FAR1: variants seen among roughly 807,000 people sequenced by gnomAD.
FAR1 encodes the protein male sterility domain-containing protein 2.
FAR1 carries 22 observed loss-of-function variants against 61.1 expected under a neutral mutation model. That is an observed-to-expected ratio of 0.36 (90% CI 0.26 to 0.51). The LOEUF (loss-of-function observed/expected upper bound fraction) is 0.51. Among genes scored for constraint, FAR1 ranks in the 20% least tolerant of loss-of-function variants. The pLI, the probability that FAR1 is intolerant of heterozygous loss-of-function variation, is 0.95. For missense variants in FAR1, 359 were observed against 626.9 expected (o/e 0.57, Z 4.56); for synonymous variants, 206 against 209.7 (o/e 0.98, Z 0.15).
intron 1 of FAR1, among the ~76,000 whole-genome samples, chr11:13,676,857 A>G (rs776307196): frequency 4.6e-5 from 7 of 152,198 alleles, no homozygotes; most frequent in Admixed American, 1.3e-4. Context: ...TACCTAATCT[A>G]CTAGTAGGAA....
At chr11:13,675,133 A>G (rs899193530) in intron 1 of FAR1, among the ~76,000 whole-genome samples, 21 of 151,818 alleles carry the variant, frequency 1.4e-4, no homozygotes, top group African/African-American at 4.4e-4. Context: ...GTGAGGTGCA[A>G]ATTTGTTCAT....
intron 3 of FAR1, among the ~76,000 whole-genome samples, chr11:13,703,512 A>T (rs1848398887): frequency 6.6e-6 from 1 of 152,246 alleles, no homozygotes; most frequent in South Asian, 2.1e-4. Flanking sequence ...GAGAGAAACC[A>T]ACATAAATTG....
chr11:13,709,023 C>T (rs970257535), intron 4 of FAR1, among the ~76,000 whole-genome samples: 12 of 152,152 alleles, frequency 7.9e-5, no homozygotes, highest in African/African-American at 2.9e-4. Flanking sequence ...ATCTTTTTTA[C>T]TTTTACAATT....
At chr11:13,716,371 A>G (rs1309124026) in intron 9 of FAR1, among the ~76,000 whole-genome samples, 1 of 152,214 alleles carries the variant, frequency 6.6e-6, no homozygotes, top group Admixed American at 6.5e-5. Flanking sequence ...AGCAACAGTT[A>G]TTTTATTATT....
chr11:13,727,815 T>C (rs1848682841), intron 11 of FAR1, 132 bp downstream of exon 11: 5 of 797,528 alleles, frequency 6.3e-6, no homozygotes, highest in Non-Finnish European at 7.6e-6. Flanking sequence ...TAATCTCTTA[T>C]ATTTGTAGTG....
intron 1 of FAR1, among the ~76,000 whole-genome samples, chr11:13,669,157 C>A (rs1387822842): frequency 6.6e-6 from 1 of 152,094 alleles, no homozygotes; most frequent in African/African-American, 2.4e-5. Context: ...GCGGGCTCCG[C>A]GTGCTCGCGG....
chr11:13,671,948 T>C (rs904170855), intron 1 of FAR1, among the ~76,000 whole-genome samples: 3 of 152,220 alleles, frequency 2.0e-5, no homozygotes, highest in African/African-American at 7.2e-5. Flanking sequence ...TTGGAGAGAT[T>C]TCTGTAGATA....
intron 1 of FAR1, among the ~76,000 whole-genome samples, chr11:13,676,019 T>C (rs1342864419): frequency 1.3e-5 from 2 of 152,180 alleles, no homozygotes; most frequent in Non-Finnish European, 1.5e-5. Context: ...TACGTTCAAA[T>C]ATCCTTGGGG....
At chr11:13,715,136 A>T (rs1848541511) in intron 9 of FAR1, among the ~76,000 whole-genome samples, 2 of 152,188 alleles carry the variant, frequency 1.3e-5, no homozygotes, top group South Asian at 4.1e-4. Flanking sequence ...TTGACAGGTC[A>T]GAAACCGCGG....
chr11:13,712,184 G>C, intron 7 of FAR1, 138 bp downstream of exon 7: 1 of 627,074 alleles, frequency 1.6e-6, no homozygotes, highest in South Asian at 2.0e-5. Context: ...CCAACTCCAA[G>C]AGTTGGTATT....
At chr11:13,709,057 A>G (rs17534928) in intron 4 of FAR1, among the ~76,000 whole-genome samples, 13,655 of 152,194 alleles carry the variant, frequency 0.09, 701 homozygotes, top group South Asian at 0.13. Context: ...AGTATCCACC[A>G]TATTTTCATG....
intron 5 of FAR1, 111 bp from the exon 6 acceptor site, chr11:13,711,653 T>G: frequency 1.2e-6 from 1 of 832,954 alleles, no homozygotes; most frequent in Admixed American, 2.4e-5. Context: ...GTTTTTTAGT[T>G]TTTAGAAGAC....
Position 13,712,177 on chromosome 11 carries a change from A to G in FAR1, c.887+131A>G, listed in dbSNP as rs1184236793. On this transcript the variant is annotated intron_variant, in intron 7 of 11. Transcript: ENST00000354817. ...CAATATTTAGGCTGTATCACTGCCA[A>G]CTCCAAGAGTTGGTATTATCACAGA... The G allele has an allele frequency of 1.5e-5, 10 of 652,148 alleles. No homozygotes were observed. The Admixed American group carries it at 2.3e-4, about 15-fold the overall frequency. The allele number at this position is 652,148 out of a possible 1,614,324, so 40.4% of individuals were successfully genotyped here.
intron 3 of FAR1, among the ~76,000 whole-genome samples, chr11:13,700,794 T>C (rs1848362370): frequency 6.6e-6 from 1 of 152,148 alleles, no homozygotes; most frequent in Non-Finnish European, 1.5e-5. Flanking sequence ...AGTGTTTGTC[T>C]TCTCTTTCTT....
At chr11:13,698,694 G>C (rs1848336007) in intron 2 of FAR1, among the ~76,000 whole-genome samples, 1 of 152,010 alleles carries the variant, frequency 6.6e-6, no homozygotes, top group Non-Finnish European at 1.5e-5. Flanking sequence ...AGCTGGGCGT[G>C]GTGGCGGGCA....
Position 13,711,859 on chromosome 11 carries a change from T to C in FAR1, c.768+51T>C, listed in dbSNP as rs1272770248. The C allele has an allele frequency of 2.6e-6, 4 of 1,558,152 alleles. No individual in the cohort carries two copies. The South Asian group carries it at 4.6e-5, about 18-fold the overall frequency. ...ATATTCTATACATTTTTCTGCTTTTTGTATATCTTTAAATATATATACACT... is the reference window on the plus strand; with the variant it reads ...ATATTCTATACATTTTTCTGCTTTTCGTATATCTTTAAATATATATACACT... On this transcript the variant is annotated intron_variant, in intron 6 of 11. Coordinates refer to ENST00000354817, the MANE Select transcript of FAR1 (RefSeq NM_032228.6).
intron 1 of FAR1, chr11:13,685,432 T>C (rs1255531347): frequency 9.6e-6 from 2 of 209,116 alleles, no homozygotes; most frequent in Non-Finnish European, 2.1e-5. Context: ...CATTTTCAGC[T>C]TGATATGGTA....
intron 1 of FAR1, among the ~76,000 whole-genome samples, chr11:13,675,798 TTCTTG>T (rs1848061449): frequency 6.6e-6 from 1 of 152,226 alleles, no homozygotes; most frequent in African/African-American, 2.4e-5. Flanking sequence ...GTTTAGATCA[TTCTTG>T]TCTTACATGA....
chr11:13,670,927 A>C (rs1847994960), intron 1 of FAR1, among the ~76,000 whole-genome samples: 1 of 152,138 alleles, frequency 6.6e-6, no homozygotes, highest in Admixed American at 6.5e-5. Context: ...GATAGGACAA[A>C]AGGTTTGTGA....
Sources: gnomAD v4.1 joint callset for allele counts (sites outside exome capture counted in the v4.1 genomes callset) on GRCh38, gnomAD v4.1.1 for gene constraint, MANE v1.5 for transcripts, NCBI Gene and HGNC (gene_info 2026-07-23, HGNC 2026-07-21) for gene names.